AADAT: variants seen among roughly 807,000 people sequenced by gnomAD.
AADAT encodes aminoadipate aminotransferase, also known as kynurenine/alpha-aminoadipate aminotransferase, mitochondrial.
In AADAT, 25 loss-of-function variants were observed where a neutral mutation model predicts 56.2. That is an observed-to-expected ratio of 0.44 (90% CI 0.32 to 0.62). The LOEUF (loss-of-function observed/expected upper bound fraction) is 0.62. AADAT is among the 20% of genes least tolerant of loss of function. The probability of loss-of-function intolerance (pLI) is 0.04; values close to 1 mark genes in which losing one functional copy is unlikely to be tolerated. For missense variants in AADAT, 387 were observed against 510.5 expected, an observed-to-expected ratio of 0.76 and a Z score of 2.33; for synonymous variants, 173 against 164.7, an observed-to-expected ratio of 1.05 and a Z score of -0.39.
upstream of AADAT, among the ~76,000 whole-genome samples, chr4:170,093,913 T>TA (rs1346696100): frequency 6.6e-6 from 1 of 152,216 alleles, no homozygotes; most frequent in Non-Finnish European, 1.5e-5. Flanking sequence ...CAGGCATTTT[T>TA]AAAAATACGT....
Position 170,088,470 on chromosome 4 carries a change from A to C in AADAT, c.162T>G (p.Thr54=). 6.2e-7 allele frequency: 1 copy of C among 1,613,718 alleles called. No individual in the cohort carries two copies. Among genetic ancestry groups the C allele is most frequent in the Non-Finnish European group, 8.5e-7 (1 of 1,179,668 alleles). Residue 54 remains threonine, a synonymous_variant, in exon 2 of 13, where the codon ACT becomes ACG. Coordinates refer to ENST00000337664, the MANE Select transcript of AADAT (RefSeq NM_016228.4). ...ATTGGATGGTCTTTCCATTTTCTAC[A>C]GTGATTACGGCAGTCTTAAAAGGAA... ...NMFPFKTAVI[T]VENGKTIQFG...
intron 3 of AADAT, among the ~76,000 whole-genome samples, chr4:170,083,678 C>T (rs1581594315): frequency 6.6e-6 from 1 of 151,984 alleles, no homozygotes; most frequent in Admixed American, 6.6e-5. Flanking sequence ...ACCTCAAAAC[C>T]ACAATGAGAT....
At chr4:170,068,378 T>A (rs905816602) in intron 8 of AADAT, among the ~76,000 whole-genome samples, 27 of 152,156 alleles carry the variant, frequency 1.8e-4, no homozygotes, top group Admixed American at 1.8e-3. Context: ...TCAAAGTTTG[T>A]AAGGAAATTT....
At chr4:170,070,532 G>C in intron 6 of AADAT, 55 bp downstream of exon 6, 2 of 1,350,078 alleles carry the variant, frequency 1.5e-6, no homozygotes, top group South Asian at 1.2e-5. Context: ...ACACAGTGCA[G>C]TAACTTAAAA....
chr4:170,065,829 A>G (rs1441615505), intron 10 of AADAT, among the ~76,000 whole-genome samples: 1 of 152,198 alleles, frequency 6.6e-6, no homozygotes, highest in South Asian at 2.1e-4. Flanking sequence ...AAGACTTTAT[A>G]GAAAATAAGA....
chr4:170,080,662 C>T (rs1732255413), intron 3 of AADAT, among the ~76,000 whole-genome samples: 1 of 152,160 alleles, frequency 6.6e-6, no homozygotes, highest in Admixed American at 6.5e-5. Context: ...CATCTCATGC[C>T]AATGGAATAA....
intron 6 of AADAT, among the ~76,000 whole-genome samples, chr4:170,069,522 C>G (rs1047813185): frequency 5.3e-5 from 8 of 152,026 alleles, no homozygotes; most frequent in African/African-American, 1.9e-4. Context: ...CCTCTTTGCC[C>G]CAGAGGTTGA....
At chr4:170,066,200 A>G (rs1731451963) in intron 10 of AADAT, among the ~76,000 whole-genome samples, 1 of 151,964 alleles carries the variant, frequency 6.6e-6, no homozygotes, top group South Asian at 2.1e-4. Flanking sequence ...TTAATCACAA[A>G]TTCTTTGCAG....
intron 4 of AADAT, among the ~76,000 whole-genome samples, chr4:170,075,924 G>A (rs1425626315): frequency 6.6e-6 from 1 of 152,174 alleles, no homozygotes; most frequent in African/African-American, 2.4e-5. Context: ...TCAGATCTGT[G>A]TTCCTTCTTA....
intron 3 of AADAT, among the ~76,000 whole-genome samples, chr4:170,085,835 CAAT>C (rs1289813340): frequency 6.6e-6 from 1 of 151,638 alleles, no homozygotes; most frequent in Admixed American, 6.6e-5. Context: ...TATTCTGTAA[CAAT>C]AATTTAATTA....
intron 3 of AADAT, among the ~76,000 whole-genome samples, chr4:170,079,148 C>T (rs773116336): frequency 2.0e-5 from 3 of 152,136 alleles, no homozygotes; most frequent in Non-Finnish European, 4.4e-5. Flanking sequence ...ATATTAAGTA[C>T]AGATGCACAA....
intron 4 of AADAT, among the ~76,000 whole-genome samples, chr4:170,074,163 G>A (rs140304189): frequency 6.7e-4 from 102 of 152,190 alleles, no homozygotes; most frequent in African/African-American, 2.0e-3. Flanking sequence ...TTCTTCTGAC[G>A]GAATTATCTT....
At chr4:170,093,263 T>G (rs1356877861), upstream of AADAT, among the ~76,000 whole-genome samples, 1 of 152,094 alleles carries the variant, frequency 6.6e-6, no homozygotes, top group Non-Finnish European at 1.5e-5. Context: ...ACCCCATCTC[T>G]ACTAAAAAAT....
intron 6 of AADAT, among the ~76,000 whole-genome samples, chr4:170,070,045 A>C (rs1301473862): frequency 2.0e-5 from 3 of 152,160 alleles, no homozygotes; most frequent in Non-Finnish European, 4.4e-5. Flanking sequence ...GATCCAGGAC[A>C]TAAATGACAG....
In AADAT at chr4:170,089,707, G is replaced by A. The variant is rs748763150; in HGVS notation, c.-17C>T. The A allele has an allele frequency of 1.9e-6, 3 of 1,613,768 alleles. No individual in the cohort carries two copies. The highest frequency in any genetic ancestry group is 1.1e-5 in the South Asian group (1 of 91,066). On this transcript the variant is annotated 5_prime_UTR_variant, in exon 1 of 13. Coordinates refer to ENST00000337664, the MANE Select transcript of AADAT (RefSeq NM_016228.4). ...GTAATTCATGTCTTCTGACAGCCAA[G>A]CATCAAGCTTCTTCTTCAGTGGTTG...
chr4:170,088,817 TTA>T (rs977673793), intron 1 of AADAT, among the ~76,000 whole-genome samples: 21 of 152,122 alleles, frequency 1.4e-4, no homozygotes, highest in African/African-American at 5.1e-4. Flanking sequence ...ATTGGTGCAC[TTA>T]TAAAAGAGGG....
intron 4 of AADAT, among the ~76,000 whole-genome samples, chr4:170,075,743 C>G (rs1380926532): frequency 6.6e-6 from 1 of 152,212 alleles, no homozygotes; most frequent in Admixed American, 6.5e-5. Flanking sequence ...ATCAATAACT[C>G]TCCATTCTCT....
upstream of AADAT, among the ~76,000 whole-genome samples, chr4:170,093,533 T>G (rs1732929828): frequency 6.6e-6 from 1 of 152,238 alleles, no homozygotes; most frequent in African/African-American, 2.4e-5. Context: ...CAAAGGTTTT[T>G]GTAAGCACGT....
upstream of AADAT, among the ~76,000 whole-genome samples, chr4:170,093,083 T>C (rs529148280): frequency 1.3e-3 from 194 of 152,260 alleles, no homozygotes; most frequent in Non-Finnish European, 2.0e-3. Flanking sequence ...AGGCTTTTTT[T>C]TGATAGGGGA....
Sources: allele counts gnomAD v4.1 joint callset (sites outside exome capture counted in the v4.1 genomes callset), GRCh38; gene constraint gnomAD v4.1.1; transcripts MANE v1.5; gene names NCBI Gene and HGNC (gene_info 2026-07-23, HGNC 2026-07-21).